CDH4: variants seen among roughly 807,000 people sequenced by gnomAD.
CDH4 encodes the protein cadherin 4, also known as cadherin-4.
Under a neutral mutation model 86.0 loss-of-function variants are expected in CDH4, and 33 were observed. The observed-to-expected ratio is 0.38, with a 90% CI of 0.29 to 0.51. The LOEUF (loss-of-function observed/expected upper bound fraction) is 0.51, where lower values mean the gene tolerates loss of function less well. CDH4 is among the 20% of genes least tolerant of loss of function. The pLI is 0.86. For missense variants in CDH4, 1,114 were observed against 1,307.4 expected (o/e 0.85, Z 2.28); for synonymous variants, 555 against 549.4 (o/e 1.01, Z -0.14).
intron 4 of CDH4, among the ~76,000 whole-genome samples, chr20:61,806,964 G>A: frequency 6.6e-6 from 1 of 152,166 alleles, no homozygotes; most frequent in East Asian, 1.9e-4. Context: ...AGAGATGGGG[G>A]CTTCTCCAAA....
chr20:61,830,032 A>G (rs117309998), intron 4 of CDH4, among the ~76,000 whole-genome samples: 3,734 of 151,632 alleles, frequency 0.025, 62 homozygotes, highest in Non-Finnish European at 0.038. Context: ...CAGATCTCTA[A>G]ATTTTTTTTC....
intron 2 of CDH4, among the ~76,000 whole-genome samples, chr20:61,282,708 T>TTTA (rs1342074162): frequency 6.6e-6 from 1 of 152,188 alleles, no homozygotes; most frequent in East Asian, 1.9e-4. Flanking sequence ...GATGTGCATG[T>TTTA]GAGTTGGTGT....
chr20:61,548,032 G>A (rs941528637), intron 2 of CDH4, among the ~76,000 whole-genome samples: 2 of 152,288 alleles, frequency 1.3e-5, no homozygotes, highest in Admixed American at 1.3e-4. Flanking sequence ...CTGGCTCTTT[G>A]CGGCAGCATC....
rs1351812466 is a variant in CDH4 at position 61,844,605 on chromosome 20, G to A, written c.577-63G>A. On this transcript the variant is annotated intron_variant, in intron 4 of 15. Coordinates refer to ENST00000614565, the MANE Select transcript of CDH4 (RefSeq NM_001794.5). ...CTCATGAGAGGGGATGAATGTCAGA[G>A]ATCGGCCCCGGGCCTCTCCTCACCA... The A allele has an allele frequency of 2.7e-6, 4 of 1,499,538 alleles. No homozygotes were observed. In the African/African-American group the frequency reaches 5.5e-5, roughly 21 times the overall value. 92.9% of individuals were successfully genotyped at this position (1,499,538 alleles called of 1,614,324 possible).
rs533272649 is a variant in CDH4, at chr20:61,813,693, C to T, written c.577-30975C>T. ...AAGAACTGGGTGCCTGGGCCTCTTT[C>T]GGGGCTCCAGCTTATTTCTGTTTAT... On this transcript the variant is annotated intron_variant, in intron 4 of 15. Coordinates refer to ENST00000614565, the MANE Select transcript of CDH4 (RefSeq NM_001794.5). Among the ~76,000 whole-genome samples, 13 of 152,272 alleles carry T rather than the reference C, an allele frequency of 8.5e-5. No homozygotes were observed. In the South Asian group the frequency reaches 1.2e-3, roughly 15 times the overall value.
rs1380462982 is a variant in CDH4, at chr20:61,584,757, A to G, written c.170-158806A>G. 3.3e-5 allele frequency among the ~76,000 whole-genome samples: 5 copies of G among 152,366 alleles called. No individual in the cohort carries two copies. In the East Asian group the frequency reaches 9.7e-4, roughly 29 times the overall value. ...TACAGGATCAAGTTTAGGGGGAAAGATAACCCTAAGGGGAAGGAAGCAGGG... is the reference window on the plus strand; with the variant it reads ...TACAGGATCAAGTTTAGGGGGAAAGGTAACCCTAAGGGGAAGGAAGCAGGG... On this transcript the variant is annotated intron_variant, in intron 2 of 15. Transcript: ENST00000614565.
At chr20:61,832,674 A>T (rs1981676688) in intron 4 of CDH4, among the ~76,000 whole-genome samples, 1 of 152,074 alleles carries the variant, frequency 6.6e-6, no homozygotes, top group Middle Eastern at 3.2e-3. Context: ...CTCTCATGAG[A>T]ACTGCATGGG....
intron 2 of CDH4, among the ~76,000 whole-genome samples, chr20:61,592,237 A>C (rs1373322662): frequency 6.6e-6 from 1 of 152,190 alleles, no homozygotes; most frequent in Non-Finnish European, 1.5e-5. Context: ...TCAAGAAGTC[A>C]AGACTTGGTA....
intron 4 of CDH4, among the ~76,000 whole-genome samples, chr20:61,797,444 A>G (rs1185652888): frequency 1.3e-5 from 2 of 152,214 alleles, no homozygotes; most frequent in Admixed American, 6.5e-5. Flanking sequence ...CCTGGCTTAC[A>G]TGAAGCTGGG....
At position 61,879,580 on chromosome 20, in the gene CDH4, A is replaced by G. The variant is rs955189131; in HGVS notation, c.1050+5680A>G. Among the ~76,000 whole-genome samples the G allele has an allele frequency of 6.6e-6, 1 of 152,138 alleles. No homozygotes were observed. Among genetic ancestry groups the G allele is most frequent in the African/African-American group, 2.4e-5 (1 of 41,422 alleles). On this transcript the variant is annotated intron_variant, in intron 7 of 15. Transcript: ENST00000614565. The surrounding 1 kb of genome is among the most constrained non-coding windows in gnomAD (Gnocchi z 4.1). ...GCTTCTACTTGATTAAGATGTCAGGAGAGGCTTCGATAAGACCTGAGCGGT... is the reference window on the plus strand; with the variant it reads ...GCTTCTACTTGATTAAGATGTCAGGGGAGGCTTCGATAAGACCTGAGCGGT...
chr20:61,718,665 C>T (rs1317415877), intron 2 of CDH4: 1 of 388,934 alleles, frequency 2.6e-6, no homozygotes, highest in African/African-American at 2.1e-5. Context: ...TTAACTTGAA[C>T]CGAAGCCAGA....
At chr20:61,697,653 C>T (rs1358312944) in intron 2 of CDH4, among the ~76,000 whole-genome samples, 1 of 152,162 alleles carries the variant, frequency 6.6e-6, no homozygotes, top group Non-Finnish European at 1.5e-5. Flanking sequence ...TCACAGCTCC[C>T]TGTGTTCCAG....
At chr20:61,305,011 G>A (rs1475714175) in intron 2 of CDH4, among the ~76,000 whole-genome samples, 1 of 151,620 alleles carries the variant, frequency 6.6e-6, no homozygotes, top group East Asian at 1.9e-4. Flanking sequence ...CCTGTGTTGG[G>A]CATGCAGCAT....
chr20:61,458,806 A>G (rs1008683620), intron 2 of CDH4, among the ~76,000 whole-genome samples: 14 of 152,028 alleles, frequency 9.2e-5, no homozygotes, highest in African/African-American at 3.4e-4. Context: ...GGTGGTGGCA[A>G]TGAGTGAAGC....
At chr20:61,313,689 A>C (rs2084460738) in intron 2 of CDH4, among the ~76,000 whole-genome samples, 1 of 152,232 alleles carries the variant, frequency 6.6e-6, no homozygotes, top group African/African-American at 2.4e-5. Flanking sequence ...TTGACAAATA[A>C]AAAATGTATA....
rs2087871628 is a variant in CDH4, at chr20:61,709,926, T to C, written c.170-33637T>C. ...GTTTTTGTAGCCGTGTGAGAGTTTT[T>C]TTCATTAGCGGGATCGGGCAAGACC... On this transcript the variant is annotated intron_variant, in intron 2 of 15. Coordinates refer to ENST00000614565, the MANE Select transcript of CDH4 (RefSeq NM_001794.5). The surrounding 1 kb of genome is among the most constrained non-coding windows in gnomAD (Gnocchi z 4.8). 1.3e-5 allele frequency among the ~76,000 whole-genome samples: 2 copies of C among 152,222 alleles called. No individual in the cohort carries two copies. Among genetic ancestry groups the C allele is most frequent in the Non-Finnish European group, 2.9e-5 (2 of 68,040 alleles).
intron 2 of CDH4, among the ~76,000 whole-genome samples, chr20:61,267,427 C>T (rs1448353526): frequency 6.6e-6 from 1 of 152,198 alleles, no homozygotes; most frequent in Non-Finnish European, 1.5e-5. Flanking sequence ...CGAATGTAAC[C>T]AGCATCTCAA....
At chr20:61,868,423 C>G (rs563107681) in intron 6 of CDH4, among the ~76,000 whole-genome samples, 16 of 152,238 alleles carry the variant, frequency 1.1e-4, no homozygotes, top group African/African-American at 2.6e-4. Context: ...CAGGGGCCAA[C>G]AAGGGGTGAG....
At chr20:61,707,741 C>G (rs549827461) in intron 2 of CDH4, among the ~76,000 whole-genome samples, 25 of 152,294 alleles carry the variant, frequency 1.6e-4, no homozygotes, top group Middle Eastern at 3.4e-3. Context: ...CTCGGATCAT[C>G]AGGTGTTAGA....
Sources: allele counts gnomAD v4.1 joint callset (sites outside exome capture counted in the v4.1 genomes callset), GRCh38; gene constraint gnomAD v4.1.1; non-coding constraint Gnocchi (gnomAD v3.1); transcripts MANE v1.5; gene names NCBI Gene and HGNC (gene_info 2026-07-23, HGNC 2026-07-21).